The following SLC27A2 variants were observed in gnomAD, a reference collection of about 807,000 sequenced individuals.
SLC27A2 encodes the protein solute carrier family 27 member 2, also known as long-chain fatty acid transport protein 2.
SLC27A2 carries 54 observed loss-of-function variants against 60.0 expected under a neutral mutation model. The ratio of observed to expected loss-of-function variants is 0.90; its 90% CI spans 0.72 to 1.13. The LOEUF (loss-of-function observed/expected upper bound fraction) is 1.13. Among genes scored for constraint, SLC27A2 ranks in the 50% most tolerant of loss-of-function variants. SLC27A2 has a pLI of 0.00. For missense variants in SLC27A2, 739 were observed against 777.6 expected, an observed-to-expected ratio of 0.95 and a Z score of 0.59; for synonymous variants, 297 against 297.6, an observed-to-expected ratio of 1.00 and a Z score of 0.02.
In SLC27A2 at chr15:50,227,135, G is replaced by T; in HGVS notation, c.1414G>T (p.Glu472Ter). ...NSGDLLMVDH[E>*]NFIYFHDRVG... ...TGGAGATCTCTTAATGGTTGACCATGAAAATTTCATCTATTTCCACGACAG... is the reference window on the plus strand; with the variant it reads ...TGGAGATCTCTTAATGGTTGACCATTAAAATTTCATCTATTTCCACGACAG... Residue 472 changes from glutamate (E) to a stop codon, truncating the protein, a stop_gained, in exon 7 of 10, where the codon GAA (glutamate) becomes TAA (stop). Transcript: ENST00000267842. LOFTEE classifies it high-confidence loss of function. 6.2e-7 allele frequency: 1 copy of T among 1,613,140 alleles called. No individual in the cohort carries two copies. Among genetic ancestry groups the T allele is most frequent in the South Asian group, 1.1e-5 (1 of 90,972 alleles).
chr15:50,185,475 T>A (rs996798464), intron 1 of SLC27A2, among the ~76,000 whole-genome samples: 1 of 152,150 alleles, frequency 6.6e-6, no homozygotes, highest in African/African-American at 2.4e-5. Context: ...TTGAATGGAC[T>A]GATTCTTAGA....
At chr15:50,184,436 G>A (rs1023569318) in intron 1 of SLC27A2, among the ~76,000 whole-genome samples, 2 of 152,094 alleles carry the variant, frequency 1.3e-5, no homozygotes, top group Non-Finnish European at 2.9e-5. Context: ...AAAGATGAAA[G>A]GTTAATTCAC....
At chr15:50,210,884 C>T (rs944115121) in intron 4 of SLC27A2, among the ~76,000 whole-genome samples, 15 of 152,146 alleles carry the variant, frequency 9.9e-5, no homozygotes, top group Non-Finnish European at 4.4e-5. Flanking sequence ...TCCCTGACAA[C>T]CTGCATGACT....
intron 1 of SLC27A2, among the ~76,000 whole-genome samples, chr15:50,192,104 T>A (rs1425649308): frequency 6.6e-6 from 1 of 150,922 alleles, no homozygotes; most frequent in African/African-American, 2.4e-5. Flanking sequence ...CCCAAACATA[T>A]CTACAAAAGA....
chr15:50,200,289 A>G (rs1348972349), intron 2 of SLC27A2, among the ~76,000 whole-genome samples: 1 of 152,088 alleles, frequency 6.6e-6, no homozygotes, highest in Non-Finnish European at 1.5e-5. Context: ...ACAGCCAGGC[A>G]TGGTGGTGCA....
intron 3 of SLC27A2, among the ~76,000 whole-genome samples, chr15:50,203,603 T>C (rs1286990488): frequency 2.6e-5 from 4 of 152,192 alleles, no homozygotes; most frequent in Admixed American, 6.5e-5. Flanking sequence ...TAATCATATA[T>C]GTATATATAA....
chr15:50,235,864 G>T, intron 9 of SLC27A2, 56 bp from the exon 10 acceptor site: 2 of 1,439,586 alleles, frequency 1.4e-6, no homozygotes, highest in Non-Finnish European at 9.5e-7. Context: ...CCCTTGCTCT[G>T]CATCCTAATC....
chr15:50,213,779 A>G (rs1238196035), intron 4 of SLC27A2, among the ~76,000 whole-genome samples: 1 of 152,106 alleles, frequency 6.6e-6, no homozygotes, highest in Non-Finnish European at 1.5e-5. Context: ...TAATGACACA[A>G]CCCATCAAAA....
intron 1 of SLC27A2, among the ~76,000 whole-genome samples, chr15:50,193,570 G>T (rs1193292817): frequency 1.3e-5 from 2 of 152,172 alleles, no homozygotes; most frequent in African/African-American, 2.4e-5. Flanking sequence ...AGGAGTTGTT[G>T]TTTTAAAATT....
chr15:50,191,574 C>G, intron 1 of SLC27A2, among the ~76,000 whole-genome samples: 1 of 152,344 alleles, frequency 6.6e-6, no homozygotes, highest in African/African-American at 2.4e-5. Context: ...ATGTCTCCCT[C>G]TATCCAGTCT....
chr15:50,223,859 C>A (rs532827628), intron 5 of SLC27A2, among the ~76,000 whole-genome samples: 3 of 152,302 alleles, frequency 2.0e-5, no homozygotes, highest in South Asian at 4.1e-4. Flanking sequence ...GGTCATTGTG[C>A]CTCTGGGCAG....
chr15:50,223,168 A>C lies in SLC27A2; in HGVS notation c.1167+9A>C, dbSNP rs994959895. ...TAAACTACCTACAGAAAGTAAGTAC[A>C]TTGAAAAATGAGAGCATACGTAGCC... On this transcript the variant is annotated intron_variant, in intron 5 of 9. Transcript: ENST00000267842. 4.4e-6 allele frequency: 7 copies of C among 1,600,166 alleles called. No homozygotes were observed. In the East Asian group the frequency reaches 6.7e-5, roughly 15 times the overall value.
chr15:50,215,103 A>C (rs139122617), intron 4 of SLC27A2, among the ~76,000 whole-genome samples: 9 of 152,308 alleles, frequency 5.9e-5, no homozygotes, highest in African/African-American at 2.2e-4. Context: ...GGACTGATAA[A>C]AGAATTCAGC....
chr15:50,233,865 T>C lies in SLC27A2; in HGVS notation c.1556-3T>C. 1 of 1,608,392 alleles carries C rather than the reference T, an allele frequency of 6.2e-7. No homozygotes were observed. Among genetic ancestry groups the C allele is most frequent in the East Asian group, 2.2e-5 (1 of 44,818 alleles). ...TTCTAATTTTTTCTCACTTTATTTC[T>C]AGATCATGAGGGTCGCATTGGCATG... is the stretch of plus-strand genomic sequence containing the variant. On this transcript the variant is annotated splice_region_variant and splice_polypyrimidine_tract_variant and intron_variant, in intron 8 of 9. Transcript: ENST00000267842.
At chr15:50,221,257 G>A (rs1419408044) in intron 4 of SLC27A2, among the ~76,000 whole-genome samples, 2 of 152,146 alleles carry the variant, frequency 1.3e-5, no homozygotes, top group East Asian at 3.9e-4. Context: ...GTCTCATGCA[G>A]GTTCAAAAGG....
intron 2 of SLC27A2, among the ~76,000 whole-genome samples, chr15:50,201,583 T>A (rs2045063689): frequency 6.7e-6 from 1 of 149,146 alleles, no homozygotes; most frequent in Admixed American, 6.7e-5. Context: ...TGAGATGGAG[T>A]CTTGCTCTGT....
intron 4 of SLC27A2, among the ~76,000 whole-genome samples, chr15:50,212,832 A>G (rs1218234805): frequency 6.6e-6 from 1 of 152,164 alleles, no homozygotes; most frequent in African/African-American, 2.4e-5. Context: ...TCATAACACA[A>G]CCTCTTTACA....
In SLC27A2 at chr15:50,206,674, C is replaced by T. The variant is rs2045115556; in HGVS notation, c.972+1311C>T. Among the ~76,000 whole-genome samples the T allele has an allele frequency of 2.0e-5, 3 of 152,128 alleles. No homozygotes were observed. In the South Asian group the frequency reaches 6.2e-4, roughly 32 times the overall value. ...AGGTTTATGTGATTATTGTCTGCCC[C>T]CCCTCGCCCCAATTAAATGAAAGCC... On this transcript the variant is annotated intron_variant, in intron 4 of 9. Transcript: ENST00000267842.
intron 1 of SLC27A2, 22 bp downstream of exon 1, chr15:50,182,927 G>A (rs1567423968): frequency 1.9e-6 from 3 of 1,579,082 alleles, no homozygotes; most frequent in East Asian, 2.2e-5. Flanking sequence ...GGATCGCCCT[G>A]CCCTGGCACC....
Sources: allele counts gnomAD v4.1 joint callset (sites outside exome capture counted in the v4.1 genomes callset), GRCh38; gene constraint gnomAD v4.1.1; transcripts MANE v1.5; gene names NCBI Gene and HGNC (gene_info 2026-07-23, HGNC 2026-07-21).